PBX1: variants seen among roughly 807,000 people sequenced by gnomAD.
The protein encoded by PBX1 is PBX homeobox 1, also known as pre-B-cell leukemia transcription factor 1.
Under a neutral mutation model 53.4 loss-of-function variants are expected in PBX1, and 6 were observed. The ratio of observed to expected loss-of-function variants is 0.11; its 90% CI spans 0.06 to 0.22. The LOEUF is 0.22. Ranked by LOEUF, PBX1 falls within the 10% of genes least tolerant of loss-of-function variation. PBX1 has a pLI of 1.00. For synonymous variants in PBX1, 204 were observed against 212.3 expected, an observed-to-expected ratio of 0.96 and a Z score of 0.34; for missense variants, 251 against 551.4, an observed-to-expected ratio of 0.46 and a Z score of 5.46.
intron 8 of PBX1, among the ~76,000 whole-genome samples, chr1:164,844,115 C>CTTTTTTTTTTTTTTTTTTTTTTTT (rs773961576): frequency 1.6e-5 from 1 of 61,114 alleles, no homozygotes; most frequent in Non-Finnish European, 3.3e-5. Context: ...TTCTTTCTTT[C>CTTTTTTTTTTTTTTTTTTTTTTTT]TTTTTTTTTT....
intron 8 of PBX1, among the ~76,000 whole-genome samples, chr1:164,832,869 TTAAAA>T (rs1475370448): frequency 4.0e-5 from 6 of 151,850 alleles, no homozygotes; most frequent in Admixed American, 3.3e-4. Context: ...GGATGAGTAG[TTAAAA>T]TAAATAACAC....
At chr1:164,841,527 C>T (rs1671290893) in intron 8 of PBX1, among the ~76,000 whole-genome samples, 1 of 152,124 alleles carries the variant, frequency 6.6e-6, no homozygotes, top group African/African-American at 2.4e-5. Context: ...GAGGAATACC[C>T]AGACCGGGCC....
chr1:164,837,186 G>C (rs537753853), intron 8 of PBX1, among the ~76,000 whole-genome samples: 1 of 152,144 alleles, frequency 6.6e-6, no homozygotes, highest in Non-Finnish European at 1.5e-5. Context: ...ACCGTTCACC[G>C]TTAAGATGTG....
intron 1 of PBX1, among the ~76,000 whole-genome samples, chr1:164,562,452 T>TACACAC (rs6143458): frequency 0.036 from 5,223 of 143,314 alleles, 99 homozygotes; most frequent in Middle Eastern, 0.054. Flanking sequence ...GCATTCAGAA[T>TACACAC]ACACACACAC....
intron 2 of PBX1, among the ~76,000 whole-genome samples, chr1:164,868,238 G>C (rs12119286): frequency 6.6e-6 from 1 of 152,138 alleles, no homozygotes; most frequent in South Asian, 2.1e-4. Context: ...TTTTTAAACA[G>C]TGTCCGCCCC....
chr1:164,828,993 A>G (rs896953277), intron 8 of PBX1: 1 of 152,234 alleles, frequency 6.6e-6, no homozygotes. Context: ...ACATCTCTAA[A>G]TATGTTTCAA....
intron 2 of PBX1, among the ~76,000 whole-genome samples, chr1:164,564,545 C>T (rs1313952578): frequency 6.6e-6 from 1 of 152,060 alleles, no homozygotes; most frequent in Non-Finnish European, 1.5e-5. Flanking sequence ...AAAATTAGTA[C>T]GCAGCTCCTT....
chr1:164,638,518 C>T (rs745461657), intron 2 of PBX1, among the ~76,000 whole-genome samples: 9 of 152,146 alleles, frequency 5.9e-5, no homozygotes, highest in East Asian at 1.9e-4. Flanking sequence ...CTACTGAGCC[C>T]GAGCCTTTAC....
At chr1:164,567,716 T>C (rs1653535729) in intron 2 of PBX1, among the ~76,000 whole-genome samples, 1 of 152,212 alleles carries the variant, frequency 6.6e-6, no homozygotes, top group Non-Finnish European at 1.5e-5. Flanking sequence ...TTTAGTCTAC[T>C]ACTAGAATTA....
intron 2 of PBX1, chr1:164,679,959 GT>G (rs1305537099): frequency 1.3e-5 from 2 of 151,934 alleles, no homozygotes; most frequent in African/African-American, 4.8e-5. Context: ...ACTGACTGAT[GT>G]GATCTTATTT....
intron 2 of PBX1, among the ~76,000 whole-genome samples, chr1:164,645,643 G>A (rs1659408736): frequency 6.6e-6 from 1 of 152,100 alleles, no homozygotes; most frequent in Non-Finnish European, 1.5e-5. Flanking sequence ...GACAAAGTAA[G>A]GGGACCTTTG....
intron 2 of PBX1, among the ~76,000 whole-genome samples, chr1:164,721,642 G>C (rs1392998095): frequency 6.6e-6 from 1 of 152,126 alleles, no homozygotes; most frequent in Non-Finnish European, 1.5e-5. Context: ...GAAAAATCGA[G>C]TTACCAGAAG....
chr1:164,728,233 C>T (rs1439266986), intron 2 of PBX1, among the ~76,000 whole-genome samples: 1 of 151,504 alleles, frequency 6.6e-6, no homozygotes, highest in Non-Finnish European at 1.5e-5. Context: ...GGAAGGATTG[C>T]TTGAGCCTGG....
rs1334004095 is a variant in PBX1, at chr1:164,776,933, GT to G, written c.266-15560del. 1.4e-3 allele frequency among the ~76,000 whole-genome samples: 163 copies of G among 115,080 alleles called. 2 individuals are homozygous for G. The highest frequency in any genetic ancestry group is 2.3e-3 in the Non-Finnish European group (125 of 53,754). 75.5% of individuals were successfully genotyped at this position (115,080 alleles called of 152,430 possible). ...TGTGTGTGTGTGTGTGTGTGTGTGTGTGGTGGGAGGAGAGAGAGAGAGAGAG... is the reference window on the plus strand; with the variant it reads ...TGTGTGTGTGTGTGTGTGTGTGTGTGGGTGGGAGGAGAGAGAGAGAGAGAG... On this transcript the variant is annotated intron_variant, in intron 2 of 8. Transcript: ENST00000420696.
chr1:164,711,542 C>T (rs2489638), intron 2 of PBX1, among the ~76,000 whole-genome samples: 68,930 of 152,060 alleles, frequency 0.45, 16,549 homozygotes, highest in Middle Eastern at 0.65. Flanking sequence ...GGATTACAGG[C>T]GTGAGCCACT....
chr1:164,575,384 T>C (rs903913617), intron 2 of PBX1, among the ~76,000 whole-genome samples: 5 of 152,182 alleles, frequency 3.3e-5, no homozygotes, highest in Admixed American at 6.5e-5. Context: ...GGTCAGTAAG[T>C]ATGAGAAAAA....
At chr1:164,827,493 G>C (rs1330473640) in intron 8 of PBX1, among the ~76,000 whole-genome samples, 1 of 152,154 alleles carries the variant, frequency 6.6e-6, no homozygotes, top group Non-Finnish European at 1.5e-5. Flanking sequence ...AGACTGTATA[G>C]TGTTTGAAGG....
At chr1:164,825,184 A>G (rs1670390842) in intron 8 of PBX1, among the ~76,000 whole-genome samples, 1 of 152,010 alleles carries the variant, frequency 6.6e-6, no homozygotes, top group African/African-American at 2.4e-5. Context: ...ATCTACACAA[A>G]TGTCCTTTCA....
intron 2 of PBX1, among the ~76,000 whole-genome samples, chr1:164,688,615 C>T (rs1662265435): frequency 6.6e-6 from 1 of 152,178 alleles, no homozygotes; most frequent in South Asian, 2.1e-4. Flanking sequence ...ACCCCACTCA[C>T]ACCAGGGCCA....
Sources: gnomAD v4.1 joint callset for allele counts (sites outside exome capture counted in the v4.1 genomes callset) on GRCh38, gnomAD v4.1.1 for gene constraint, MANE v1.5 for transcripts, NCBI Gene and HGNC (gene_info 2026-07-23, HGNC 2026-07-21) for gene names.